Variants in ITGB2 observed in about 807,000 individuals in gnomAD.
ITGB2 encodes integrin beta-2.
A neutral mutation model predicts 86.8 loss-of-function variants in ITGB2; 56 were observed. The observed-to-expected ratio is 0.65, with a 90% CI of 0.52 to 0.81. The LOEUF (loss-of-function observed/expected upper bound fraction) is 0.81, where lower values mean the gene tolerates loss of function less well. ITGB2 is among the 30% of genes least tolerant of loss of function. The probability of loss-of-function intolerance (pLI) is 0.00; values close to 1 mark genes in which losing one functional copy is unlikely to be tolerated. For synonymous variants in ITGB2, 457 were observed against 450.4 expected (o/e 1.01, Z -0.19); for missense variants, 948 against 1,061.2 (o/e 0.89, Z 1.48).
At chr21:44,916,282 C>T (rs1029130258) in intron 1 of ITGB2, among the ~76,000 whole-genome samples, 1 of 151,230 alleles carries the variant, frequency 6.6e-6, no homozygotes, top group African/African-American at 2.4e-5. Context: ...AGACACCCCA[C>T]CCCCCCGACA....
At chr21:44,915,945 T>C (rs777431581) in intron 1 of ITGB2, among the ~76,000 whole-genome samples, 2 of 152,190 alleles carry the variant, frequency 1.3e-5, no homozygotes, top group Admixed American at 6.5e-5. Flanking sequence ...TTTTTTGAGA[T>C]GGAGTCTCAC....
At chr21:44,889,568 G>T in intron 12 of ITGB2, 73 bp from the exon 13 acceptor site, 1 of 1,364,270 alleles carries the variant, frequency 7.3e-7, no homozygotes, top group Non-Finnish European at 1.0e-6. Flanking sequence ...CCCCACTGCG[G>T]TTGCTCCCTC....
chr21:44,893,263 A>T (rs1210944244), intron 10 of ITGB2, 141 bp downstream of exon 10: 22 of 969,194 alleles, frequency 2.3e-5, no homozygotes, highest in Non-Finnish European at 3.1e-5. Context: ...TGCCCCCGTC[A>T]GAGTGCTGGG....
intron 1 of ITGB2, among the ~76,000 whole-genome samples, chr21:44,918,176 G>A (rs1161668477): frequency 6.6e-6 from 1 of 152,258 alleles, no homozygotes; most frequent in Non-Finnish European, 1.5e-5. Context: ...CTGGGCAAAT[G>A]CCTGTGTCAC....
intron 1 of ITGB2, among the ~76,000 whole-genome samples, chr21:44,912,063 C>T (rs2084142246): frequency 2.0e-5 from 3 of 152,164 alleles, no homozygotes; most frequent in Admixed American, 6.5e-5. Context: ...AAGACATTTC[C>T]GTTACCCTGG....
rs1019533391 is a variant in ITGB2, at chr21:44,888,886, G to C, written c.1887C>G (p.Ala629=). 2 of 1,605,224 alleles carry C rather than the reference G, an allele frequency of 1.2e-6. No homozygotes were observed. Among genetic ancestry groups the C allele is most frequent in the Non-Finnish European group, 1.7e-6 (2 of 1,179,864 alleles). ...PSPCGKYISC[A]ECLKFEKGPF... Reference sequence around the variant, plus strand: ...GGCCCTTTTCGAACTTCAGGCACTCGGCGCAGGAGCTGCGGGGAGCCAGGT... The same window carrying C: ...GGCCCTTTTCGAACTTCAGGCACTCCGCGCAGGAGCTGCGGGGAGCCAGGT... The change falls in exon 14 of 16, where the codon GCC becomes GCG. Residue 629 remains alanine, a synonymous_variant. Coordinates refer to ENST00000652462, the MANE Select transcript of ITGB2 (RefSeq NM_000211.5).
At chr21:44,901,842 G>A (rs2083964407) in intron 5 of ITGB2, 109 bp from the exon 6 acceptor site, 3 of 1,267,052 alleles carry the variant, frequency 2.4e-6, no homozygotes, top group Non-Finnish European at 3.2e-6. Context: ...TAGCAGGGAG[G>A]TGGAGAAAGC....
intron 8 of ITGB2, among the ~76,000 whole-genome samples, chr21:44,898,415 G>A (rs914308134): frequency 1.3e-5 from 2 of 152,168 alleles, no homozygotes; most frequent in African/African-American, 2.4e-5. Context: ...CAGGAGGGTC[G>A]GCTCTGCAAT....
chr21:44,906,794 C>A, intron 4 of ITGB2, 121 bp downstream of exon 4: 1 of 1,053,028 alleles, frequency 9.5e-7, no homozygotes, highest in Non-Finnish European at 1.4e-6. Context: ...CCCACACACC[C>A]GTCCGACCCG....
At chr21:44,896,484 G>C (rs924935672) in intron 8 of ITGB2, among the ~76,000 whole-genome samples, 1 of 152,202 alleles carries the variant, frequency 6.6e-6, no homozygotes, top group Non-Finnish European at 1.5e-5. Context: ...CCAGGAACAC[G>C]GAGCAGATGG....
At chr21:44,918,195 G>T (rs2084239685) in intron 1 of ITGB2, among the ~76,000 whole-genome samples, 1 of 152,248 alleles carries the variant, frequency 6.6e-6, no homozygotes, top group Non-Finnish European at 1.5e-5. Context: ...ACTGACCCCT[G>T]TGGCAGCTGG....
At chr21:44,915,078 C>T (rs13047425) in intron 1 of ITGB2, among the ~76,000 whole-genome samples, 23,658 of 152,146 alleles carry the variant, frequency 0.16, 1,949 homozygotes, top group African/African-American at 0.17. Flanking sequence ...GCCTGGAGTG[C>T]AGTGGCGCGA....
intron 1 of ITGB2, among the ~76,000 whole-genome samples, chr21:44,926,433 C>T (rs2146580163): frequency 6.6e-6 from 1 of 152,360 alleles, no homozygotes; most frequent in East Asian, 1.9e-4. Flanking sequence ...GGGAGGCCTG[C>T]TGCCCTGCCC....
intron 7 of ITGB2, among the ~76,000 whole-genome samples, chr21:44,899,977 CG>C (rs979193492): frequency 6.6e-5 from 10 of 152,154 alleles, no homozygotes; most frequent in African/African-American, 1.2e-4. Flanking sequence ...TGGCCAGAGG[CG>C]GGGACGGCAG....
At chr21:44,893,684 A>G in intron 9 of ITGB2, 140 bp from the exon 10 acceptor site, 1 of 1,159,822 alleles carries the variant, frequency 8.6e-7, no homozygotes, top group South Asian at 1.3e-5. Context: ...AGGAGAGCAC[A>G]GCAGGATGTG....
chr21:44,908,909 G>A (rs561541368), intron 3 of ITGB2, among the ~76,000 whole-genome samples: 227 of 152,308 alleles, frequency 1.5e-3, no homozygotes, highest in Non-Finnish European at 2.6e-3. Flanking sequence ...CAGACCCAGC[G>A]GATTTGAGCA....
At chr21:44,917,876 C>T (rs905510425) in intron 1 of ITGB2, among the ~76,000 whole-genome samples, 10 of 152,186 alleles carry the variant, frequency 6.6e-5, no homozygotes, top group African/African-American at 2.2e-4. Flanking sequence ...CCTGAATGGC[C>T]GGAGAGAACA....
At chr21:44,900,584 T>C in intron 6 of ITGB2, 109 bp from the exon 7 acceptor site, 1 of 1,365,556 alleles carries the variant, frequency 7.3e-7, no homozygotes, top group Non-Finnish European at 1.0e-6. Context: ...GAGGCTGGTG[T>C]GGGTCCCCCT....
chr21:44,894,661 C>T, intron 9 of ITGB2: 1 of 421,138 alleles, frequency 2.4e-6, no homozygotes, highest in East Asian at 5.1e-5. Context: ...GCACTGTTTG[C>T]CACCAGAGCT....
Sources: allele counts gnomAD v4.1 joint callset (sites outside exome capture counted in the v4.1 genomes callset), GRCh38; gene constraint gnomAD v4.1.1; transcripts MANE v1.5; gene names NCBI Gene and HGNC (gene_info 2026-07-23, HGNC 2026-07-21).